Variants in CNKSR2 observed in about 807,000 individuals in gnomAD.
The protein encoded by CNKSR2 is CNK homolog protein 2.
CNKSR2 carries 14 observed loss-of-function variants against 84.4 expected under a neutral mutation model. That is an observed-to-expected ratio of 0.17 (90% CI 0.11 to 0.26). The LOEUF is 0.26. Among genes scored for constraint, CNKSR2 ranks in the 10% least tolerant of loss-of-function variants. The probability of loss-of-function intolerance (pLI) is 1.00; values close to 1 mark genes in which losing one functional copy is unlikely to be tolerated. For missense variants in CNKSR2, 485 were observed against 771.2 expected, an observed-to-expected ratio of 0.63 and a Z score of 4.40; for synonymous variants, 275 against 277.9, an observed-to-expected ratio of 0.99 and a Z score of 0.10.
intron 13 of CNKSR2, among the ~76,000 whole-genome samples, chrX:21,585,791 G>A (rs750444343): frequency 1.8e-5 from 2 of 111,229 alleles, no homozygotes; most frequent in Middle Eastern, 4.2e-3. Context: ...TCACCCAGAT[G>A]CTCACTATAA....
intron 20 of CNKSR2, among the ~76,000 whole-genome samples, chrX:21,611,500 C>T (rs954477396): frequency 1.8e-5 from 2 of 112,282 alleles, no homozygotes; most frequent in African/African-American, 3.2e-5. Flanking sequence ...AAGAAGCAAG[C>T]GTGTCCTAAG....
At chrX:21,549,487 G>A (rs2092063605) in intron 11 of CNKSR2, among the ~76,000 whole-genome samples, 2 of 111,528 alleles carry the variant, frequency 1.8e-5, no homozygotes, top group Admixed American at 1.9e-4. Flanking sequence ...TGGCCATACT[G>A]CCCAAAGTAA....
At chrX:21,634,902 GTGTATATATA>G in intron 20 of CNKSR2, among the ~76,000 whole-genome samples, 1 of 106,880 alleles carries the variant, frequency 9.4e-6, no homozygotes. Flanking sequence ...ATTTTAGTGT[GTGTATATATA>G]TACACTAAAT....
At chrX:21,529,131 C>T (rs954508221) in intron 10 of CNKSR2, among the ~76,000 whole-genome samples, 1 of 110,818 alleles carries the variant, frequency 9.0e-6, no homozygotes, top group Admixed American at 9.6e-5. Context: ...AATAATAAAA[C>T]CTCTCTCATC....
chrX:21,384,874 A>G lies in CNKSR2; in HGVS notation c.64+9913A>G, dbSNP rs182174404. 1.1e-3 allele frequency among the ~76,000 whole-genome samples: 125 copies of G among 111,882 alleles called. 1 individual carries two copies. The highest frequency in any genetic ancestry group is 2.0e-3 in the Non-Finnish European group (108 of 53,114). ...GGAAAGGTCATGTACTTCACATTAT[A>G]TTATTGCTAGTAATCTTTAAAAGTG... On this transcript the variant is annotated intron_variant, in intron 1 of 21. Coordinates refer to ENST00000379510, the MANE Select transcript of CNKSR2 (RefSeq NM_014927.5).
intron 1 of CNKSR2, among the ~76,000 whole-genome samples, chrX:21,388,527 G>A (rs958536606): frequency 8.9e-6 from 1 of 112,144 alleles, no homozygotes; most frequent in African/African-American, 3.2e-5. Flanking sequence ...ACACAATGAT[G>A]AGGGCATGTA....
chrX:21,551,016 G>A (rs953788742), intron 11 of CNKSR2, among the ~76,000 whole-genome samples: 2 of 104,069 alleles, frequency 1.9e-5, no homozygotes, highest in Admixed American at 1.0e-4. Context: ...GGGCAACAGA[G>A]CAAGACTCCA....
At chrX:21,474,344 A>G (rs2091237551) in intron 5 of CNKSR2, among the ~76,000 whole-genome samples, 1 of 111,652 alleles carries the variant, frequency 9.0e-6, no homozygotes, top group Middle Eastern at 4.2e-3. Context: ...CAAGACTCAG[A>G]AGAGACACTG....
intron 5 of CNKSR2, among the ~76,000 whole-genome samples, chrX:21,481,989 A>C (rs1489949149): frequency 8.9e-6 from 1 of 111,755 alleles, no homozygotes; most frequent in Non-Finnish European, 1.9e-5. Flanking sequence ...GAGACCGGGG[A>C]CTGGTTCCAG....
chrX:21,497,692 T>G (rs1601865683), intron 6 of CNKSR2, 95 bp from the exon 7 acceptor site: 1 of 504,007 alleles, frequency 2.0e-6, no homozygotes, highest in African/African-American at 2.4e-5. Flanking sequence ...GCAGTTTTAA[T>G]TTGATAGAGT....
At chrX:21,649,122 C>A in intron 21 of CNKSR2, 95 bp downstream of exon 21, 1 of 629,123 alleles carries the variant, frequency 1.6e-6, no homozygotes, top group Non-Finnish European at 2.4e-6. Context: ...AAATTGGGGG[C>A]TGGGGAGAAG....
intron 1 of CNKSR2, among the ~76,000 whole-genome samples, chrX:21,412,803 T>A (rs1374853339): frequency 3.6e-5 from 4 of 111,994 alleles, no homozygotes; most frequent in Admixed American, 1.9e-4. Context: ...ATTTAGGCTA[T>A]TTAAGGTTAA....
intron 1 of CNKSR2, among the ~76,000 whole-genome samples, chrX:21,382,806 G>A (rs1035322838): frequency 4.5e-5 from 5 of 110,880 alleles, no homozygotes; most frequent in Admixed American, 3.8e-4. Flanking sequence ...ATTTTTCACC[G>A]TTCCCTCTGA....
intron 4 of CNKSR2, among the ~76,000 whole-genome samples, chrX:21,448,059 G>A (rs1382391377): frequency 2.7e-5 from 3 of 111,338 alleles, no homozygotes; most frequent in Non-Finnish European, 5.7e-5. Context: ...TAAGAACAGT[G>A]TTTCCCAAAG....
chrX:21,535,484 A>G (rs1418782903), intron 11 of CNKSR2, among the ~76,000 whole-genome samples: 2 of 111,541 alleles, frequency 1.8e-5, no homozygotes, highest in African/African-American at 6.5e-5. Flanking sequence ...CATTTTGACA[A>G]TGTTAATTCT....
At position 21,440,987 on chromosome X, in the gene CNKSR2, C is replaced by T; in HGVS notation, c.519+206C>T. On this transcript the variant is annotated intron_variant, in intron 4 of 21. Transcript: ENST00000379510. ...AGCTTACCAGAAGATATAAAAGGAA[C>T]CTGACCTGTACACACACAAACAAAT... The T allele has an allele frequency of 1.7e-5, 5 of 299,059 alleles. No individual in the cohort carries two copies. In the South Asian group the frequency reaches 5.0e-4, roughly 30 times the overall value. The allele number at this position is 299,059 out of a possible 1,213,427, so 24.6% of individuals were successfully genotyped here.
At chrX:21,463,707 G>A (rs1458116563) in intron 4 of CNKSR2, among the ~76,000 whole-genome samples, 1 of 111,221 alleles carries the variant, frequency 9.0e-6, no homozygotes, top group Non-Finnish European at 1.9e-5. Context: ...AAGGCAACAG[G>A]TTCCCTTTTG....
Position 21,497,801 on chromosome X carries a change from A to C in CNKSR2, c.696A>C (p.Lys232Asn). The C allele has an allele frequency of 1.1e-6, 1 of 935,829 alleles. No individual in the cohort carries two copies. The allele number at this position is 935,829 out of a possible 1,213,427, so 77.1% of individuals were successfully genotyped here. A position where few individuals can be genotyped will look rare whatever the true frequency, so the allele number is the denominator to read the frequency against. Residue 232 changes from lysine to asparagine, a missense_variant, in exon 7 of 22, where the codon AAA becomes AAC. Coordinates refer to ENST00000379510, the MANE Select transcript of CNKSR2 (RefSeq NM_014927.5). ...CTTTTTCTTAGGGTATGTATATTAAATCTACATATGATGGCCTCCATGTAA... is the reference window on the plus strand; with the variant it reads ...CTTTTTCTTAGGGTATGTATATTAACTCTACATATGATGGCCTCCATGTAA... ...KPSEGLGMYI[K>N]STYDGLHVIT...
In CNKSR2 at chrX:21,511,099, C is replaced by T. The variant is rs142963079; in HGVS notation, c.811-5386C>T. On this transcript the variant is annotated intron_variant, in intron 8 of 21. Transcript: ENST00000379510. ...CCTTCATAACAGTGTTTATATGATGCATATGATAAAGTAAAATTTTTCCAG... is the reference window on the plus strand; with the variant it reads ...CCTTCATAACAGTGTTTATATGATGTATATGATAAAGTAAAATTTTTCCAG... 8.4e-3 allele frequency among the ~76,000 whole-genome samples: 934 copies of T among 111,368 alleles called. 6 individuals are homozygous for T. Among genetic ancestry groups the T allele is most frequent in the African/African-American group, 0.027 (843 of 30,724 alleles).
Sources: allele counts gnomAD v4.1 joint callset (sites outside exome capture counted in the v4.1 genomes callset), GRCh38; gene constraint gnomAD v4.1.1; transcripts MANE v1.5; gene names NCBI Gene and HGNC (gene_info 2026-07-23, HGNC 2026-07-21).